GRM1: variants seen among roughly 807,000 people sequenced by gnomAD.
The protein encoded by GRM1 is glutamate metabotropic receptor 1, also known as metabotropic glutamate receptor 1.
GRM1 carries 33 observed loss-of-function variants against 90.9 expected under a neutral mutation model. The observed-to-expected ratio is 0.36, with a 90% CI of 0.28 to 0.49. The LOEUF (loss-of-function observed/expected upper bound fraction) is 0.49. GRM1 is among the 20% of genes least tolerant of loss of function. GRM1 has a pLI of 0.99. For synonymous variants in GRM1, 700 were observed against 613.2 expected (o/e 1.14, Z -2.09); for missense variants, 1,190 against 1,534.3 (o/e 0.78, Z 3.75).
chr6:146,037,583 G>C (rs926842215), intron 1 of GRM1, among the ~76,000 whole-genome samples: 1 of 151,780 alleles, frequency 6.6e-6, no homozygotes, highest in African/African-American at 2.4e-5. Flanking sequence ...CTGTCATTTA[G>C]CAGCTTCTAG....
intron 5 of GRM1, among the ~76,000 whole-genome samples, chr6:146,379,248 G>A (rs994988876): frequency 6.6e-6 from 1 of 151,354 alleles, no homozygotes; most frequent in Non-Finnish European, 1.5e-5. Flanking sequence ...GTTTCTGTAG[G>A]TGCGCTTTAT....
At chr6:146,231,702 G>A (rs990000608) in intron 2 of GRM1, among the ~76,000 whole-genome samples, 2 of 151,946 alleles carry the variant, frequency 1.3e-5, no homozygotes, top group Non-Finnish European at 2.9e-5. Flanking sequence ...TGTTGATATG[G>A]TGAATTATAT....
At chr6:146,329,777 T>G (rs755670502) in intron 3 of GRM1, among the ~76,000 whole-genome samples, 70 of 152,308 alleles carry the variant, frequency 4.6e-4, no homozygotes, top group South Asian at 1.5e-3. Context: ...CTCAGAAATT[T>G]TACATTAGCC....
intron 1 of GRM1, among the ~76,000 whole-genome samples, chr6:146,112,269 T>A (rs1775587355): frequency 6.7e-6 from 1 of 149,630 alleles, no homozygotes; most frequent in South Asian, 2.1e-4. Context: ...TTCACTTTTG[T>A]ATGATTATCT....
At position 146,128,200 on chromosome 6, in the gene GRM1, G is replaced by A. The variant is rs530631496; in HGVS notation, c.701-31148G>A. 9.0e-4 allele frequency among the ~76,000 whole-genome samples: 137 copies of A among 152,246 alleles called. 1 individual carries two copies. Among genetic ancestry groups the A allele is most frequent in the Admixed American group, 6.5e-3 (99 of 15,290 alleles). On this transcript the variant is annotated intron_variant, in intron 1 of 7. Coordinates refer to ENST00000282753, the MANE Select transcript of GRM1 (RefSeq NM_001278064.2). ...ACAGACCCACTATCATTTAAAGGGA[G>A]GGAGCAGGGTCTATGTCTCAATGGA...
intron 1 of GRM1, among the ~76,000 whole-genome samples, chr6:146,155,398 A>G (rs1777488257): frequency 6.6e-6 from 1 of 152,190 alleles, no homozygotes; most frequent in Non-Finnish European, 1.5e-5. Flanking sequence ...TATTCGATAT[A>G]CCATAGGTGT....
At chr6:146,120,734 T>C (rs1775952457) in intron 1 of GRM1, among the ~76,000 whole-genome samples, 2 of 152,206 alleles carry the variant, frequency 1.3e-5, no homozygotes, top group Non-Finnish European at 2.9e-5. Flanking sequence ...ATATGCTGGA[T>C]TACATTTATT....
At chr6:146,273,344 T>A (rs1478348931) in intron 2 of GRM1, among the ~76,000 whole-genome samples, 2 of 152,108 alleles carry the variant, frequency 1.3e-5, no homozygotes, top group Non-Finnish European at 2.9e-5. Flanking sequence ...GGGAAAGACA[T>A]GCCCCAGCGG....
chr6:146,347,739 G>T (rs926119725), intron 3 of GRM1, among the ~76,000 whole-genome samples: 1 of 152,182 alleles, frequency 6.6e-6, no homozygotes, highest in Admixed American at 6.5e-5. Flanking sequence ...GTGTACATAT[G>T]TAAAAAGTTT....
intron 2 of GRM1, among the ~76,000 whole-genome samples, chr6:146,231,895 C>G (rs2114705543): frequency 6.6e-6 from 1 of 152,032 alleles, no homozygotes; most frequent in African/African-American, 2.4e-5. Context: ...ATACCTTTGT[C>G]TATTTTTTCT....
chr6:146,306,172 G>A (rs569682319), intron 3 of GRM1, among the ~76,000 whole-genome samples: 49 of 152,222 alleles, frequency 3.2e-4, no homozygotes, highest in Non-Finnish European at 5.9e-4. Context: ...GGGAGGCGGC[G>A]AAAGGCAGGA....
chr6:146,417,622 A>C (rs1163379570), intron 7 of GRM1, among the ~76,000 whole-genome samples: 1 of 152,218 alleles, frequency 6.6e-6, no homozygotes, highest in Admixed American at 6.5e-5. Flanking sequence ...AGTGTAAAAT[A>C]AACGTTAGTG....
intron 3 of GRM1, among the ~76,000 whole-genome samples, chr6:146,317,805 C>A (rs1229552035): frequency 2.0e-5 from 3 of 152,128 alleles, no homozygotes; most frequent in African/African-American, 7.2e-5. Flanking sequence ...CACTTCCACT[C>A]ACATTTCATT....
chr6:146,123,378 G>A (rs751217914), intron 1 of GRM1, among the ~76,000 whole-genome samples: 1 of 152,270 alleles, frequency 6.6e-6, no homozygotes, highest in South Asian at 2.1e-4. Flanking sequence ...GAGAGTGCAT[G>A]TTTGGACCAG....
chr6:146,255,804 T>G (rs1300936650), intron 2 of GRM1, among the ~76,000 whole-genome samples: 2 of 152,204 alleles, frequency 1.3e-5, no homozygotes. Flanking sequence ...ACGCTACATT[T>G]TTTTAAAGTA....
intron 1 of GRM1, among the ~76,000 whole-genome samples, chr6:146,080,976 G>T (rs1438507304): frequency 6.6e-6 from 1 of 152,194 alleles, no homozygotes; most frequent in Non-Finnish European, 1.5e-5. Context: ...GGGGGATGTG[G>T]GAATGGCTCA....
chr6:146,399,646 C>T lies in GRM1; in HGVS notation c.2607C>T (p.Ser869=). 1 of 1,614,048 alleles carries T rather than the reference C, an allele frequency of 6.2e-7. No homozygotes were observed. Among genetic ancestry groups the T allele is most frequent in the Non-Finnish European group, 8.5e-7 (1 of 1,179,986 alleles). ...HVGDGKLPCR[S]NTFLNIFRRK... The stretch of plus-strand genomic sequence containing the variant: ...GCGATGGCAAGCTGCCCTGCCGCTC[C>T]AACACTTTCCTCAACATCTTCCGAA... Residue 869 remains serine (S), a synonymous_variant, in exon 7 of 8, where the codon TCC becomes TCT. Transcript: ENST00000282753. This position sits in a 1 kb window ranked among gnomAD's most constrained non-coding sequence, Gnocchi z 5.4.
chr6:146,137,959 A>T (rs1381842333), intron 1 of GRM1, among the ~76,000 whole-genome samples: 1 of 152,066 alleles, frequency 6.6e-6, no homozygotes, highest in Admixed American at 6.6e-5. Flanking sequence ...CAGATTATTT[A>T]CTGTTGGCGT....
intron 1 of GRM1, among the ~76,000 whole-genome samples, chr6:146,158,508 C>T (rs995492903): frequency 1.1e-4 from 17 of 152,014 alleles, no homozygotes; most frequent in Admixed American, 5.9e-4. Flanking sequence ...CAGGAAACAT[C>T]AGTGGAAGGG....
Sources: gnomAD v4.1 joint callset for allele counts (sites outside exome capture counted in the v4.1 genomes callset) on GRCh38, gnomAD v4.1.1 for gene constraint, Gnocchi (gnomAD v3.1) non-coding constraint, MANE v1.5 for transcripts, NCBI Gene and HGNC (gene_info 2026-07-23, HGNC 2026-07-21) for gene names.